Variants in TM7SF2 observed in about 807,000 individuals in gnomAD.
TM7SF2 encodes the protein delta(14)-sterol reductase TM7SF2.
A neutral mutation model predicts 51.0 loss-of-function variants in TM7SF2; 51 were observed. The ratio of observed to expected loss-of-function variants is 1.00; its 90% CI spans 0.80 to 1.26. The LOEUF (loss-of-function observed/expected upper bound fraction) is 1.26, where lower values mean the gene tolerates loss of function less well. Ranked by LOEUF, TM7SF2 falls within the 50% of genes most tolerant of loss-of-function variation. TM7SF2 has a pLI of 0.00. For synonymous variants in TM7SF2, 255 were observed against 241.0 expected, an observed-to-expected ratio of 1.06 and a Z score of -0.54; for missense variants, 541 against 547.4, an observed-to-expected ratio of 0.99 and a Z score of 0.12.
Position 65,115,026 on chromosome 11 carries a change from G to A in TM7SF2, c.837G>A (p.Leu279=), listed in dbSNP as rs1464596764. Residue 279 remains leucine (L), a synonymous_variant, in exon 7 of 10, where the codon CTG becomes CTA. Coordinates refer to ENST00000279263, the MANE Select transcript of TM7SF2 (RefSeq NM_003273.6). ...FTYSLQAQFL[L]HHPQPLGLPM... ...ACAGCCTGCAGGCCCAGTTCCTGCTGCACCACCCGCAGCCCCTGGGGTTGC... is the reference window on the plus strand; with the variant it reads ...ACAGCCTGCAGGCCCAGTTCCTGCTACACCACCCGCAGCCCCTGGGGTTGC... 6 of 1,614,068 alleles carry A rather than the reference G, an allele frequency of 3.7e-6. No individual in the cohort carries two copies. The highest frequency in any genetic ancestry group is 1.7e-4 in the Middle Eastern group (1 of 6,060).
chr11:65,115,206 T>TG (rs1160899320), intron 7 of TM7SF2, 108 bp from the exon 8 acceptor site: 2 of 1,594,030 alleles, frequency 1.3e-6, no homozygotes, highest in Middle Eastern at 2.2e-4. Context: ...GGCAGGGTCC[T>TG]GGGGGTCCAG....
Position 65,112,531 on chromosome 11 carries a change from ACTG to A in TM7SF2, c.77_79del (p.Leu26del), listed in dbSNP as rs1365341447. ...TTCCCGCAGGCGCCGCGGCTCTGCTACTGCTGCTGCCCGCCACCATGTTCCACC... is the reference window on the plus strand; with the variant it reads ...TTCCCGCAGGCGCCGCGGCTCTGCTACTGCTGCCCGCCACCATGTTCCACC... On this transcript the variant is annotated inframe_deletion, in exon 2 of 10. Coordinates refer to ENST00000279263, the MANE Select transcript of TM7SF2 (RefSeq NM_003273.6). 2 of 1,529,986 alleles carry A rather than the reference ACTG, an allele frequency of 1.3e-6. No individual in the cohort carries two copies. Among genetic ancestry groups the A allele is most frequent in the Non-Finnish European group, 1.7e-6 (2 of 1,147,982 alleles). 94.8% of individuals were successfully genotyped at this position (1,529,986 alleles called of 1,614,324 possible). A position where few individuals can be genotyped will look rare whatever the true frequency, so the allele number is the denominator to read the frequency against.
Position 65,115,101 on chromosome 11 carries a change from C to G in TM7SF2, c.892+20C>G. ...TCAATGGTCAGTCAGGAAGGGGCAG[C>G]AGGCTGGGCCCATCTTCCCCCTATC... On this transcript the variant is annotated intron_variant, in intron 7 of 9. Transcript: ENST00000279263. 1 of 1,609,616 alleles carries G rather than the reference C, an allele frequency of 6.2e-7. No individual in the cohort carries two copies. The highest frequency in any genetic ancestry group is 8.5e-7 in the Non-Finnish European group (1 of 1,177,630).
In TM7SF2 at chr11:65,116,207, A is replaced by G. The variant is rs903296712; in HGVS notation, c.*154A>G. 1 of 1,238,984 alleles carries G rather than the reference A, an allele frequency of 8.1e-7. No homozygotes were observed. Among genetic ancestry groups the G allele is most frequent in the African/African-American group, 1.5e-5 (1 of 65,886 alleles). The allele number at this position is 1,238,984 out of a possible 1,614,324, so 76.7% of individuals were successfully genotyped here. ...GAGAAGAGGTGGTTTAGAGCAAGGA[A>G]AAAAATGAAACCAGTGACCAAAATC... On this transcript the variant is annotated 3_prime_UTR_variant, in exon 10 of 10. Coordinates refer to ENST00000279263, the MANE Select transcript of TM7SF2 (RefSeq NM_003273.6).
rs763983694 is a variant in TM7SF2, at chr11:65,115,877, G to A, written c.1097-16G>A. The A allele has an allele frequency of 2.5e-6, 4 of 1,613,896 alleles. No homozygotes were observed. The African/African-American group carries it at 4.0e-5, about 16-fold the overall frequency. On this transcript the variant is annotated splice_polypyrimidine_tract_variant and intron_variant, in intron 9 of 9. Transcript: ENST00000279263. ...GAGGGGCCGGCAGGGTGGTCACAGA[G>A]CCTCCTTCTCTACAGGGGTGTCACA...
chr11:65,112,422 G>C, intron 1 of TM7SF2, 93 bp from the exon 2 acceptor site: 1 of 1,334,076 alleles, frequency 7.5e-7, no homozygotes, highest in South Asian at 1.5e-5. Flanking sequence ...GGAATGCCGA[G>C]AGGGTCCCGC....
chr11:65,112,736 C>T lies in TM7SF2; in HGVS notation c.249+25C>T, dbSNP rs987872189. On this transcript the variant is annotated intron_variant, in intron 2 of 9. Coordinates refer to ENST00000279263, the MANE Select transcript of TM7SF2 (RefSeq NM_003273.6). ...GGTGCGGGCCCCGCTCGCGGACGCT[C>T]GGGGGAGGGAAGCGAATGGGCTCGG... The T allele has an allele frequency of 5.2e-6, 8 of 1,548,656 alleles. No homozygotes were observed. In the South Asian group the frequency reaches 9.5e-5, roughly 18 times the overall value.
chr11:65,112,251 G>A, intron 1 of TM7SF2, 184 bp downstream of exon 1: 1 of 689,796 alleles, frequency 1.4e-6, no homozygotes, highest in South Asian at 1.9e-5. Flanking sequence ...CCGGTTCTGG[G>A]GGCTGCAGAA....
chr11:65,112,078 A>C lies in TM7SF2; in HGVS notation c.52+11A>C. The C allele has an allele frequency of 6.3e-7, 1 of 1,595,284 alleles. No individual in the cohort carries two copies. The highest frequency in any genetic ancestry group is 8.5e-7 in the Non-Finnish European group (1 of 1,173,256). ...TCGGAGGGCCCCTGGGTAATGGGGC[A>C]GAGAGATGGGACCTGGGGCAAAGGC... On this transcript the variant is annotated intron_variant, in intron 1 of 9. Transcript: ENST00000279263.
rs1474225791 is a variant in TM7SF2 at position 65,113,419 on chromosome 11, G to C, written c.499+5G>C. 9.9e-6 allele frequency: 16 copies of C among 1,614,202 alleles called. No homozygotes were observed. The highest frequency in any genetic ancestry group is 1.2e-5 in the Non-Finnish European group (14 of 1,180,004). ...TGGCACCTGGGGGGAACTCAGGTGAGAGGGGTCCTGGGGTGGAGACGGAGG... is the reference window on the plus strand; with the variant it reads ...TGGCACCTGGGGGGAACTCAGGTGACAGGGGTCCTGGGGTGGAGACGGAGG... On this transcript the variant is annotated splice_donor_5th_base_variant and intron_variant, in intron 4 of 9. Transcript: ENST00000279263.
rs1352692520 is a variant in TM7SF2, at chr11:65,115,020, C to T, written c.831C>T (p.Phe277=). The T allele has an allele frequency of 1.2e-6, 2 of 1,614,144 alleles. No individual in the cohort carries two copies. Among genetic ancestry groups the T allele is most frequent in the Non-Finnish European group, 8.5e-7 (1 of 1,180,038 alleles). Residue 277 remains phenylalanine (F), a synonymous_variant, in exon 7 of 10, where the codon TTC becomes TTT. Transcript: ENST00000279263. ...VPFTYSLQAQ[F]LLHHPQPLGL... ...TCACCTACAGCCTGCAGGCCCAGTTCCTGCTGCACCACCCGCAGCCCCTGG... is the reference window on the plus strand; with the variant it reads ...TCACCTACAGCCTGCAGGCCCAGTTTCTGCTGCACCACCCGCAGCCCCTGG...
In TM7SF2 at chr11:65,116,150, AC is replaced by A. The variant is rs1947982014; in HGVS notation, c.*101del. The A allele has an allele frequency of 1.4e-6, 2 of 1,454,852 alleles. No individual in the cohort carries two copies. Among genetic ancestry groups the A allele is most frequent in the Non-Finnish European group, 9.2e-7 (1 of 1,082,826 alleles). The allele number at this position is 1,454,852 out of a possible 1,614,324, so 90.1% of individuals were successfully genotyped here. Reference sequence around the variant, plus strand: ...ACACACTTGGGACTCAAGGGCTTGCACCCCACCCAGCCCTGAGGATGAACAA... The same window carrying A: ...ACACACTTGGGACTCAAGGGCTTGCACCCACCCAGCCCTGAGGATGAACAA... On this transcript the variant is annotated 3_prime_UTR_variant, in exon 10 of 10. Transcript: ENST00000279263.
intron 1 of TM7SF2, 118 bp from the exon 2 acceptor site, chr11:65,112,397 C>A: frequency 8.7e-7 from 1 of 1,149,536 alleles, no homozygotes; most frequent in Non-Finnish European, 1.2e-6. Flanking sequence ...GGACGGGGTG[C>A]GGAGGCGCAC....
rs772852483 is a variant in TM7SF2 at position 65,115,388 on chromosome 11, G to C, written c.967G>C (p.Val323Leu). The change falls in exon 8 of 10, where the codon GTG (valine) becomes CTG (leucine). Residue 323 changes from valine to leucine, a missense_variant. Physicochemically the swap from Val to Leu is conservative, Grantham distance 32 (BLOSUM62 1). Transcript: ENST00000279263. ...CCGAAAGAATCCTTCTGACCCCAGA[G>C]TGGCTGGTGAGCTGGTTCTCTAGGG... is the stretch of plus-strand genomic sequence containing the variant. ...TFRKNPSDPRVAGLETISTAT... is the reference protein window; with the variant it reads ...TFRKNPSDPRLAGLETISTAT... 8.7e-6 allele frequency: 14 copies of C among 1,614,230 alleles called. No individual in the cohort carries two copies. In the South Asian group the frequency reaches 1.3e-4, roughly 15 times the overall value.
In TM7SF2 at chr11:65,115,502, G is replaced by A. The variant is rs1332211373; in HGVS notation, c.1000G>A (p.Gly334Arg). Residue 334 changes from glycine to arginine, a missense_variant, in exon 9 of 10, where the codon GGG becomes AGG. Transcript: ENST00000279263. ...GCTTGAGACCATCTCTACAGCCACA[G>A]GGCGGAAACTGCTGGTGTCTGGGTG... ...AGLETISTAT[G>R]RKLLVSGWWG... 6.2e-7 allele frequency: 1 copy of A among 1,614,176 alleles called. No individual in the cohort carries two copies. Among genetic ancestry groups the A allele is most frequent in the African/African-American group, 1.3e-5 (1 of 75,048 alleles).
rs555460913 is a variant in TM7SF2, at chr11:65,115,208, G to C, written c.893-106G>C. On this transcript the variant is annotated intron_variant, in intron 7 of 9. Transcript: ENST00000279263. ...TCTCTAAAGCCAGGGCAGGGTCCTG[G>C]GGGTCCAGGCAGAGTCTGGGCTGCA... The C allele has an allele frequency of 1.2e-4, 191 of 1,594,324 alleles. No individual in the cohort carries two copies. In the African/African-American group the frequency reaches 2.3e-3, roughly 19 times the overall value.
Position 65,112,628 on chromosome 11 carries a change from G to A in TM7SF2, c.166G>A (p.Val56Met), listed in dbSNP as rs775524238. Residue 56 changes from valine (V) to methionine (M), a missense_variant, in exon 2 of 10, where the codon GTG becomes ATG. Physicochemically the swap from Val to Met is conservative, Grantham distance 21. Coordinates refer to ENST00000279263, the MANE Select transcript of TM7SF2 (RefSeq NM_003273.6). ...GPPASLPGLEVLWSPRALLLW... is the reference protein window; with the variant it reads ...GPPASLPGLEMLWSPRALLLW... Reference sequence around the variant, plus strand: ...ACCCGCGTCCCTGCCGGGGCTGGAGGTGCTGTGGAGCCCACGGGCGCTGCT... The same window carrying A: ...ACCCGCGTCCCTGCCGGGGCTGGAGATGCTGTGGAGCCCACGGGCGCTGCT... 1.3e-6 allele frequency: 2 copies of A among 1,530,200 alleles called. No homozygotes were observed. The highest frequency in any genetic ancestry group is 1.8e-6 in the Non-Finnish European group (2 of 1,141,760). 94.8% of individuals were successfully genotyped at this position (1,530,200 alleles called of 1,614,324 possible).
chr11:65,112,263 G>A (rs1306528674), intron 1 of TM7SF2, 196 bp downstream of exon 1: 2 of 662,254 alleles, frequency 3.0e-6, no homozygotes, highest in Non-Finnish European at 5.0e-6. Flanking sequence ...GCTGCAGAAC[G>A]GGGATTTATG....
At position 65,115,299 on chromosome 11, in the gene TM7SF2, A is replaced by G. The variant is rs775297077; in HGVS notation, c.893-15A>G. The G allele has an allele frequency of 6.2e-7, 1 of 1,613,478 alleles. No individual in the cohort carries two copies. Among genetic ancestry groups the G allele is most frequent in the Non-Finnish European group, 8.5e-7 (1 of 1,179,648 alleles). On this transcript the variant is annotated splice_polypyrimidine_tract_variant and intron_variant, in intron 7 of 9. Coordinates refer to ENST00000279263, the MANE Select transcript of TM7SF2 (RefSeq NM_003273.6). ...AACCCTTGACCTTGACCACCGGTTC[A>G]CACTCTCTCACCAGCTACTGGTTAC... is the stretch of plus-strand genomic sequence containing the variant.
Sources: allele counts gnomAD v4.1 joint callset, GRCh38; gene constraint gnomAD v4.1.1; transcripts MANE v1.5; gene names NCBI Gene and HGNC (gene_info 2026-07-23, HGNC 2026-07-21).